DOCK4: variants seen among roughly 807,000 people sequenced by gnomAD.
The protein encoded by DOCK4 is dedicator of cytokinesis 4, also known as dedicator of cytokinesis protein 4.
Under a neutral mutation model 268.1 loss-of-function variants are expected in DOCK4, and 97 were observed. The ratio of observed to expected loss-of-function variants is 0.36; its 90% CI spans 0.31 to 0.43. DOCK4 has a LOEUF of 0.43. Among genes scored for constraint, DOCK4 ranks in the 20% least tolerant of loss-of-function variants. The pLI is 1.00. For synonymous variants in DOCK4, 954 were observed against 887.2 expected (o/e 1.08, Z -1.34); for missense variants, 2,145 against 2,455.7 (o/e 0.87, Z 2.67).
intron 47 of DOCK4, chr7:111,740,020 G>T (rs116593104): frequency 1.8e-5 from 6 of 337,752 alleles, no homozygotes; most frequent in Non-Finnish European, 3.6e-5. Flanking sequence ...CATTTTTCTT[G>T]TATAAAAAAA....
chr7:111,831,620 G>A (rs1218158567), intron 26 of DOCK4, among the ~76,000 whole-genome samples: 1 of 151,892 alleles, frequency 6.6e-6, no homozygotes, highest in Non-Finnish European at 1.5e-5. Context: ...GAGTAGCTGG[G>A]ACTATAGATG....
chr7:112,101,818 GT>G (rs1810707499), intron 1 of DOCK4, among the ~76,000 whole-genome samples: 1 of 150,618 alleles, frequency 6.6e-6, no homozygotes, highest in African/African-American at 2.4e-5. Context: ...AAATGCTAAG[GT>G]TCTGAGACCT....
At chr7:112,055,435 A>C (rs921187489) in intron 1 of DOCK4, among the ~76,000 whole-genome samples, 2 of 152,216 alleles carry the variant, frequency 1.3e-5, no homozygotes, top group Admixed American at 1.3e-4. Context: ...ATATGGAAAG[A>C]AAGGGGAATA....
At chr7:111,804,835 C>T (rs765198007) in intron 30 of DOCK4, among the ~76,000 whole-genome samples, 8 of 152,198 alleles carry the variant, frequency 5.3e-5, no homozygotes, top group East Asian at 1.9e-4. Flanking sequence ...CCTGACCTCA[C>T]GTGATCCACC....
intron 32 of DOCK4, among the ~76,000 whole-genome samples, chr7:111,785,280 G>T (rs533339924): frequency 2.5e-4 from 38 of 152,280 alleles, no homozygotes; most frequent in Middle Eastern, 3.4e-3. Context: ...CCTCTGAACA[G>T]CACCTCTTTC....
At chr7:111,897,713 C>T (rs771172420) in intron 15 of DOCK4, among the ~76,000 whole-genome samples, 2 of 152,202 alleles carry the variant, frequency 1.3e-5, no homozygotes, top group Non-Finnish European at 2.9e-5. Context: ...AACCACTGAA[C>T]TGTATGTTCT....
intron 8 of DOCK4, among the ~76,000 whole-genome samples, chr7:111,960,824 T>C (rs184502697): frequency 5.9e-5 from 9 of 152,284 alleles, no homozygotes; most frequent in Admixed American, 5.9e-4. Context: ...CATAATGTCC[T>C]CCAGGTACAT....
At chr7:111,991,605 G>C (rs1799529413) in intron 5 of DOCK4, among the ~76,000 whole-genome samples, 1 of 152,092 alleles carries the variant, frequency 6.6e-6, no homozygotes, top group South Asian at 2.1e-4. Flanking sequence ...AGCAGACTTA[G>C]ATTTAGATTC....
chr7:112,069,561 G>A (rs574970263), intron 1 of DOCK4, among the ~76,000 whole-genome samples: 106 of 152,240 alleles, frequency 7.0e-4, no homozygotes, highest in African/African-American at 2.4e-3. Context: ...TCACAGGGTC[G>A]TTCTGAGGAC....
intron 12 of DOCK4, among the ~76,000 whole-genome samples, chr7:111,918,727 G>A (rs1175105747): frequency 6.6e-6 from 1 of 152,140 alleles, no homozygotes; most frequent in African/African-American, 2.4e-5. Context: ...CCAGGATCTG[G>A]TATTTGTGGA....
At chr7:111,751,409 T>G (rs1313142219) in intron 42 of DOCK4, among the ~76,000 whole-genome samples, 1 of 152,198 alleles carries the variant, frequency 6.6e-6, no homozygotes, top group Non-Finnish European at 1.5e-5. Context: ...TGGCCCTTAT[T>G]TAAATCTGGA....
rs115962674 is a variant in DOCK4 at position 111,894,785 on chromosome 7, T to C, written c.1587+827A>G. Among the ~76,000 whole-genome samples the C allele has an allele frequency of 4.3e-3, 653 of 152,250 alleles. 8 individuals are homozygous for C. Among genetic ancestry groups the C allele is most frequent in the African/African-American group, 0.015 (624 of 41,536 alleles). ...GAAGGCTGGCATGCCCTGAGATGCC[T>C]GGGATTTATTCTCTCAGCAAGAAGC... On this transcript the variant is annotated intron_variant, in intron 16 of 52. Transcript: ENST00000428084.
At chr7:112,071,732 C>A (rs1285685166) in intron 1 of DOCK4, among the ~76,000 whole-genome samples, 1 of 152,168 alleles carries the variant, frequency 6.6e-6, no homozygotes, top group Non-Finnish European at 1.5e-5. Context: ...CCAAAATCTT[C>A]TTATTTGGAT....
In DOCK4 at chr7:111,949,240, TA is replaced by T. The variant is rs1212851988; in HGVS notation, c.702-3443del. Among the ~76,000 whole-genome samples the T allele has an allele frequency of 3.9e-5, 6 of 152,280 alleles. No homozygotes were observed. In the East Asian group the frequency reaches 1.2e-3, roughly 29 times the overall value. On this transcript the variant is annotated intron_variant, in intron 8 of 52. Transcript: ENST00000428084. ...AAATTTCACATTATCTTGGTCAGTC[TA>T]AAAAGATGGACACCAATAAGATTAA...
At chr7:111,903,831 A>T (rs1396054298) in intron 13 of DOCK4, among the ~76,000 whole-genome samples, 1 of 152,242 alleles carries the variant, frequency 6.6e-6, no homozygotes, top group East Asian at 1.9e-4. Flanking sequence ...TTGGCTAAAA[A>T]CAGCAGAATT....
chr7:112,060,090 G>C (rs907910605), intron 1 of DOCK4, among the ~76,000 whole-genome samples: 2 of 152,096 alleles, frequency 1.3e-5, no homozygotes, highest in Non-Finnish European at 2.9e-5. Context: ...TTATACTTAG[G>C]GCTGCCAGCT....
intron 24 of DOCK4, among the ~76,000 whole-genome samples, chr7:111,846,603 G>A (rs1266889677): frequency 2.7e-5 from 4 of 150,814 alleles, no homozygotes. Context: ...CCGGCCCAAG[G>A]ACCACAGCCA....
intron 12 of DOCK4, among the ~76,000 whole-genome samples, chr7:111,924,323 G>T (rs144946141): frequency 1.6e-4 from 25 of 152,154 alleles, no homozygotes; most frequent in African/African-American, 4.8e-4. Context: ...TATGGAGTGG[G>T]TTACACATTT....
chr7:112,084,174 A>G (rs973789065), intron 1 of DOCK4, among the ~76,000 whole-genome samples: 1 of 150,682 alleles, frequency 6.6e-6, no homozygotes, highest in Non-Finnish European at 1.5e-5. Flanking sequence ...GAACATGCCC[A>G]GCCAATCTCT....
Sources: allele counts gnomAD v4.1 joint callset (sites outside exome capture counted in the v4.1 genomes callset), GRCh38; gene constraint gnomAD v4.1.1; transcripts MANE v1.5; gene names NCBI Gene and HGNC (gene_info 2026-07-23, HGNC 2026-07-21).